AFF2: variants seen among roughly 807,000 people sequenced by gnomAD.
AFF2 encodes the protein AF4/FMR2 family member 2.
AFF2 carries 14 observed loss-of-function variants against 76.9 expected under a neutral mutation model. The observed-to-expected ratio is 0.18, with a 90% CI of 0.12 to 0.28. The LOEUF (loss-of-function observed/expected upper bound fraction) is 0.28. Among genes scored for constraint, AFF2 ranks in the 10% least tolerant of loss-of-function variants. The probability of loss-of-function intolerance (pLI) is 1.00; values close to 1 mark genes in which losing one functional copy is unlikely to be tolerated. For synonymous variants in AFF2, 398 were observed against 366.7 expected, an observed-to-expected ratio of 1.09 and a Z score of -0.98; for missense variants, 868 against 1,001.1, an observed-to-expected ratio of 0.87 and a Z score of 1.79.
At chrX:148,614,750 C>CCTTCT (rs781803500) in intron 1 of AFF2, among the ~76,000 whole-genome samples, 5,001 of 49,851 alleles carry the variant, frequency 0.1, 253 homozygotes, top group Non-Finnish European at 0.13. Context: ...TTCTTTCTTT[C>CCTTCT]TTTCTTTCTT....
chrX:148,792,876 C>T (rs1441902368), intron 3 of AFF2, among the ~76,000 whole-genome samples: 2 of 112,017 alleles, frequency 1.8e-5, no homozygotes, highest in Non-Finnish European at 3.8e-5. Context: ...AAATTTCCTA[C>T]ACTTTCAGAA....
intron 1 of AFF2, among the ~76,000 whole-genome samples, chrX:148,603,643 T>C (rs2053647707): frequency 9.0e-6 from 1 of 110,884 alleles, no homozygotes; most frequent in Admixed American, 9.6e-5. Flanking sequence ...CCAGATGCAG[T>C]GAGCCGTTTC....
At chrX:148,878,159 A>G (rs782234787) in intron 7 of AFF2, among the ~76,000 whole-genome samples, 15 of 111,972 alleles carry the variant, frequency 1.3e-4, no homozygotes, top group Middle Eastern at 4.6e-3. Flanking sequence ...CTTCTGCCTG[A>G]TAGAGAAAGT....
At chrX:148,829,474 A>G (rs1186517938) in intron 4 of AFF2, among the ~76,000 whole-genome samples, 1 of 111,853 alleles carries the variant, frequency 8.9e-6, no homozygotes, top group Non-Finnish European at 1.9e-5. Context: ...AATCAGACAA[A>G]TTGGGCTGTT....
At chrX:148,582,759 G>A (rs188202385) in intron 1 of AFF2, among the ~76,000 whole-genome samples, 343 of 111,821 alleles carry the variant, frequency 3.1e-3, no homozygotes, top group Middle Eastern at 9.2e-3. Context: ...CAAGAGAATC[G>A]AAAACATTTG....
chrX:148,627,312 C>A (rs1264904010), intron 1 of AFF2, among the ~76,000 whole-genome samples: 1 of 112,079 alleles, frequency 8.9e-6, no homozygotes, highest in African/African-American at 3.2e-5. Context: ...TACATGTAGA[C>A]ATGTAGAAGA....
At chrX:148,922,755 T>G (rs1420183467) in intron 9 of AFF2, among the ~76,000 whole-genome samples, 1 of 111,759 alleles carries the variant, frequency 8.9e-6, no homozygotes, top group Non-Finnish European at 1.9e-5. Flanking sequence ...TTCCTACTTA[T>G]CAGGATGTTC....
At chrX:148,972,992 T>C (rs1238941979) in intron 15 of AFF2, among the ~76,000 whole-genome samples, 3 of 77,249 alleles carry the variant, frequency 3.9e-5, no homozygotes, top group Non-Finnish European at 5.0e-5. Context: ...TTTCTACATA[T>C]GGCTAGCCAG....
intron 1 of AFF2, among the ~76,000 whole-genome samples, chrX:148,529,632 C>T (rs148647769): frequency 1.8e-4 from 20 of 111,567 alleles, no homozygotes; most frequent in African/African-American, 5.9e-4. Context: ...TTCTGATGTG[C>T]GCAGATTCTC....
intron 1 of AFF2, among the ~76,000 whole-genome samples, chrX:148,521,373 T>TACACACACACACAC (rs1569550690): frequency 1.0e-3 from 57 of 56,078 alleles, no homozygotes; most frequent in African/African-American, 4.5e-3. Context: ...AGCACGTGCA[T>TACACACACACACAC]GCACACACAC....
At chrX:148,866,418 G>C (rs1453969985) in intron 7 of AFF2, among the ~76,000 whole-genome samples, 1 of 112,484 alleles carries the variant, frequency 8.9e-6, no homozygotes, top group Non-Finnish European at 1.9e-5. Flanking sequence ...CATTATAGAT[G>C]TTAACACTAG....
chrX:148,614,791 TTCC>T (rs2053780363), intron 1 of AFF2, among the ~76,000 whole-genome samples: 2 of 71,875 alleles, frequency 2.8e-5, no homozygotes, highest in Admixed American at 2.9e-4. Flanking sequence ...TCTTTCTTTC[TTCC>T]TTTCTCTCTC....
intron 3 of AFF2, among the ~76,000 whole-genome samples, chrX:148,679,257 TTTTTAAATAGCAATCTGATAGTAA>T (rs2054521244): frequency 9.5e-6 from 1 of 105,199 alleles, no homozygotes; most frequent in African/African-American, 3.5e-5. Flanking sequence ...GAATGTTAAT[TTTTTAAATAGCAATCTGATAGTAA>T]TTTTAAATAG....
intron 9 of AFF2, among the ~76,000 whole-genome samples, chrX:148,921,858 C>A (rs1277297658): frequency 1.8e-5 from 2 of 112,157 alleles, no homozygotes; most frequent in Non-Finnish European, 3.8e-5. Flanking sequence ...GTAAACTATT[C>A]GTCCTACTTG....
intron 1 of AFF2, among the ~76,000 whole-genome samples, chrX:148,504,957 T>G (rs2052392380): frequency 1.4e-5 from 1 of 71,984 alleles, no homozygotes. Context: ...TTTGCCAACT[T>G]GGAGATACTA....
At chrX:148,717,317 G>A (rs781923785) in intron 3 of AFF2, among the ~76,000 whole-genome samples, 17 of 112,077 alleles carry the variant, frequency 1.5e-4, no homozygotes, top group Admixed American at 1.0e-3. Context: ...GAAACAAAAC[G>A]TCACATATAT....
chrX:148,955,484 T>C (rs915358776), intron 10 of AFF2, 119 bp from the exon 11 acceptor site: 17 of 723,883 alleles, frequency 2.3e-5, no homozygotes, highest in Middle Eastern at 6.9e-4. Context: ...TGTGTATTTG[T>C]ATATGTGTGA....
chrX:148,867,515 A>G lies in AFF2; in HGVS notation c.1263-18374A>G, dbSNP rs183017834. Among the ~76,000 whole-genome samples, 46 of 112,754 alleles carry G rather than the reference A, an allele frequency of 4.1e-4. No homozygotes were observed. In the Admixed American group the frequency reaches 4.2e-3, roughly 10 times the overall value. On this transcript the variant is annotated intron_variant, in intron 7 of 20. Transcript: ENST00000370460. ...CAGAAGAGCACAGTGTTGACTGAGC[A>G]GAATAAAGCCCATCCTTAGATAGTG... is the stretch of plus-strand genomic sequence containing the variant.
intron 1 of AFF2, among the ~76,000 whole-genome samples, chrX:148,567,889 A>T (rs896253416): frequency 8.9e-6 from 1 of 111,939 alleles, no homozygotes; most frequent in Non-Finnish European, 1.9e-5. Flanking sequence ...AGAAACCAGT[A>T]GTGATCAGGA....
Sources: gnomAD v4.1 joint callset for allele counts (sites outside exome capture counted in the v4.1 genomes callset) on GRCh38, gnomAD v4.1.1 for gene constraint, MANE v1.5 for transcripts, NCBI Gene and HGNC (gene_info 2026-07-23, HGNC 2026-07-21) for gene names.